The following PDGFD variants were observed in gnomAD, a reference collection of about 807,000 sequenced individuals.
PDGFD encodes platelet derived growth factor D, also known as platelet-derived growth factor D.
In PDGFD, 30 loss-of-function variants were observed where a neutral mutation model predicts 44.7. The observed-to-expected ratio is 0.67, with a 90% CI of 0.50 to 0.91. The LOEUF (loss-of-function observed/expected upper bound fraction) is 0.91, where lower values mean the gene tolerates loss of function less well. Among genes scored for constraint, PDGFD ranks in the 40% least tolerant of loss-of-function variants. The pLI is 0.00. For missense variants in PDGFD, 445 were observed against 457.8 expected (o/e 0.97, Z 0.25); for synonymous variants, 173 against 168.4 (o/e 1.03, Z -0.21).
At chr11:103,935,446 A>C (rs1296136453) in intron 5 of PDGFD, among the ~76,000 whole-genome samples, 1 of 152,226 alleles carries the variant, frequency 6.6e-6, no homozygotes, top group Admixed American at 6.5e-5. Context: ...TATGAGTCAT[A>C]AACAGTGGCA....
intron 1 of PDGFD, among the ~76,000 whole-genome samples, chr11:104,087,064 T>C (rs1162647505): frequency 6.9e-6 from 1 of 145,186 alleles, no homozygotes; most frequent in Non-Finnish European, 1.5e-5. Context: ...TCTAGCTCTG[T>C]TGCCAGGCTG....
At chr11:103,974,437 A>G (rs958184397) in intron 3 of PDGFD, among the ~76,000 whole-genome samples, 1 of 152,142 alleles carries the variant, frequency 6.6e-6, no homozygotes, top group Admixed American at 6.6e-5. Context: ...CCCTTGTCCC[A>G]TCCTTAGCTG....
chr11:104,160,974 T>C (rs191968250), intron 1 of PDGFD, among the ~76,000 whole-genome samples: 1 of 152,080 alleles, frequency 6.6e-6, no homozygotes, highest in Admixed American at 6.5e-5. Flanking sequence ...AGTTGTGGGG[T>C]TTTACTGTAT....
At chr11:103,984,068 C>G (rs960459518) in intron 3 of PDGFD, among the ~76,000 whole-genome samples, 2 of 151,404 alleles carry the variant, frequency 1.3e-5, no homozygotes, top group Non-Finnish European at 2.9e-5. Flanking sequence ...GGTATATACC[C>G]AAAGGAATAT....
intron 6 of PDGFD, among the ~76,000 whole-genome samples, chr11:103,926,025 G>A (rs532342344): frequency 3.2e-4 from 48 of 152,042 alleles, no homozygotes; most frequent in Middle Eastern, 3.4e-3. Context: ...CACTGCGCCC[G>A]GCCTATCTTT....
intron 1 of PDGFD, among the ~76,000 whole-genome samples, chr11:104,008,751 T>C (rs974742964): frequency 1.3e-5 from 2 of 152,092 alleles, no homozygotes; most frequent in African/African-American, 4.8e-5. Flanking sequence ...AAAATTAAAC[T>C]CCTGAGGCAA....
At chr11:104,018,229 G>C (rs1051644243) in intron 1 of PDGFD, among the ~76,000 whole-genome samples, 1 of 151,844 alleles carries the variant, frequency 6.6e-6, no homozygotes, top group Non-Finnish European at 1.5e-5. Context: ...TGAATCTAAT[G>C]AGAAGTAATA....
intron 5 of PDGFD, among the ~76,000 whole-genome samples, chr11:103,932,267 T>G (rs943276228): frequency 1.3e-5 from 2 of 152,166 alleles, no homozygotes; most frequent in Non-Finnish European, 2.9e-5. Context: ...TGTTTTTCAC[T>G]TTCAGTAAAG....
chr11:104,043,200 A>G (rs576350625), intron 1 of PDGFD, among the ~76,000 whole-genome samples: 1 of 152,184 alleles, frequency 6.6e-6, no homozygotes, highest in African/African-American at 2.4e-5. Context: ...CATTTGAGAC[A>G]CTAAATACAA....
intron 5 of PDGFD, among the ~76,000 whole-genome samples, chr11:103,935,624 A>C (rs1350362646): frequency 6.6e-6 from 1 of 152,222 alleles, no homozygotes; most frequent in African/African-American, 2.4e-5. Flanking sequence ...AATATTTGCC[A>C]AATACTATCT....
rs1396601705 is a variant in PDGFD, at chr11:104,119,718, T to C, written c.124+44086A>G. 1.9e-3 allele frequency among the ~76,000 whole-genome samples: 203 copies of C among 105,288 alleles called. 1 individual carries two copies. Among genetic ancestry groups the C allele is most frequent in the Non-Finnish European group, 2.8e-3 (169 of 59,330 alleles). 69.1% of individuals were successfully genotyped at this position (105,288 alleles called of 152,430 possible). A position where few individuals can be genotyped will look rare whatever the true frequency, so the allele number is the denominator to read the frequency against. ...TATAATATCTATTAATATTATAATA[T>C]AATATATAAATATAATAGAAATATA... On this transcript the variant is annotated intron_variant, in intron 1 of 6. Transcript: ENST00000393158.
At chr11:103,932,420 T>C (rs1487220905) in intron 5 of PDGFD, among the ~76,000 whole-genome samples, 8 of 152,214 alleles carry the variant, frequency 5.3e-5, no homozygotes, top group African/African-American at 9.6e-5. Flanking sequence ...CAGTAGGCTA[T>C]GTGTATTGAA....
chr11:104,158,667 C>T (rs747727049), intron 1 of PDGFD, among the ~76,000 whole-genome samples: 4 of 151,556 alleles, frequency 2.6e-5, no homozygotes, highest in East Asian at 3.9e-4. Context: ...CCCGTCTCTA[C>T]TAAAAACACA....
chr11:104,163,786 A>G lies in PDGFD; in HGVS notation c.124+18T>C. Reference sequence around the variant, plus strand: ...ACATGATTTTTTTTTCAGTTAAAAAATAAAATGAGTCTCTTACCATCTCGC... The same window carrying G: ...ACATGATTTTTTTTTCAGTTAAAAAGTAAAATGAGTCTCTTACCATCTCGC... On this transcript the variant is annotated intron_variant, in intron 1 of 6. Coordinates refer to ENST00000393158, the MANE Select transcript of PDGFD (RefSeq NM_025208.5). The G allele has an allele frequency of 6.6e-7, 1 of 1,509,940 alleles. No individual in the cohort carries two copies. Among genetic ancestry groups the G allele is most frequent in the Non-Finnish European group, 8.9e-7 (1 of 1,120,218 alleles). The allele number at this position is 1,509,940 out of a possible 1,614,324, so 93.5% of individuals were successfully genotyped here.
intron 3 of PDGFD, among the ~76,000 whole-genome samples, chr11:103,962,888 AT>A (rs370885552): frequency 1.2e-4 from 18 of 152,062 alleles, no homozygotes; most frequent in South Asian, 8.3e-4. Flanking sequence ...CTAACATATT[AT>A]TTTTTTTATT....
At chr11:104,087,532 A>G (rs1861149601) in intron 1 of PDGFD, among the ~76,000 whole-genome samples, 1 of 152,156 alleles carries the variant, frequency 6.6e-6, no homozygotes, top group African/African-American at 2.4e-5. Context: ...TTTTTTATTC[A>G]TCTTTTCAGT....
intron 3 of PDGFD, among the ~76,000 whole-genome samples, chr11:103,962,014 C>T (rs1278877309): frequency 6.6e-6 from 1 of 152,074 alleles, no homozygotes; most frequent in Non-Finnish European, 1.5e-5. Context: ...ATCTGGAATT[C>T]AGTGAACTTA....
chr11:104,002,077 A>C (rs1048083384), intron 1 of PDGFD, among the ~76,000 whole-genome samples: 4 of 152,190 alleles, frequency 2.6e-5, no homozygotes, highest in Admixed American at 6.5e-5. Context: ...AGTGGCCTGC[A>C]GTCATGGCAG....
At chr11:103,950,631 TC>T (rs1858741087) in intron 3 of PDGFD, among the ~76,000 whole-genome samples, 1 of 151,944 alleles carries the variant, frequency 6.6e-6, no homozygotes, top group South Asian at 2.1e-4. Context: ...GATGATGTGT[TC>T]TGTATCATGT....
Sources: allele counts gnomAD v4.1 joint callset (sites outside exome capture counted in the v4.1 genomes callset), GRCh38; gene constraint gnomAD v4.1.1; transcripts MANE v1.5; gene names NCBI Gene and HGNC (gene_info 2026-07-23, HGNC 2026-07-21).